TRMT2B: variants seen among roughly 807,000 people sequenced by gnomAD.
TRMT2B encodes tRNA methyltransferase 2B.
Under a neutral mutation model 39.7 loss-of-function variants are expected in TRMT2B, and 34 were observed. That is an observed-to-expected ratio of 0.86 (90% CI 0.65 to 1.14). The LOEUF (loss-of-function observed/expected upper bound fraction) is 1.14. Ranked by LOEUF, TRMT2B falls within the 50% of genes most tolerant of loss-of-function variation. The probability of loss-of-function intolerance (pLI) is 0.00; values close to 1 mark genes in which losing one functional copy is unlikely to be tolerated. For missense variants in TRMT2B, 318 were observed against 377.2 expected, an observed-to-expected ratio of 0.84 and a Z score of 1.30; for synonymous variants, 132 against 137.3, an observed-to-expected ratio of 0.96 and a Z score of 0.27.
chrX:101,049,422 G>A (rs1382695276), intron 2 of TRMT2B, among the ~76,000 whole-genome samples: 1 of 97,291 alleles, frequency 1.0e-5, no homozygotes, highest in Non-Finnish European at 2.0e-5. Context: ...AAGTCCAGCA[G>A]TTGAAGGCTG....
chrX:101,011,569 G>A lies in TRMT2B; in HGVS notation c.1389-862C>T, dbSNP rs140247384. Among the ~76,000 whole-genome samples the A allele has an allele frequency of 2.7e-4, 30 of 111,156 alleles. No homozygotes were observed. In the East Asian group the frequency reaches 8.5e-3, roughly 31 times the overall value. ...TCAATACCAACCTGGGCAGCATAGC[G>A]AGACTCTGTCGTTACCAAAAAATAA... On this transcript the variant is annotated intron_variant, in intron 13 of 13. Transcript: ENST00000372936.
chrX:101,001,225 C>T, the TRMT2B span, among the ~76,000 whole-genome samples: 2 of 110,605 alleles, frequency 1.8e-5, no homozygotes, highest in South Asian at 7.8e-4. Context: ...GTCTGGGGCC[C>T]AGGCATCAAT....
At chrX:100,989,255 T>C in the TRMT2B span, among the ~76,000 whole-genome samples, 3 of 111,363 alleles carry the variant, frequency 2.7e-5, no homozygotes, top group African/African-American at 9.8e-5. Context: ...TGAAAGATAC[T>C]AGGTGGTTGT....
the TRMT2B span, chrX:100,974,221 A>G: frequency 9.0e-7 from 1 of 1,112,511 alleles, no homozygotes; most frequent in Non-Finnish European, 1.2e-6. Flanking sequence ...AGCATTAGAT[A>G]CTGGCGTGGG....
chrX:100,979,781 G>A, the TRMT2B span, among the ~76,000 whole-genome samples: 1 of 111,718 alleles, frequency 9.0e-6, no homozygotes, highest in African/African-American at 3.3e-5. Context: ...CAAATATTTG[G>A]TCACTGCAGC....
chrX:101,018,504 G>A (rs1018501341), intron 13 of TRMT2B, among the ~76,000 whole-genome samples: 6 of 106,127 alleles, frequency 5.7e-5, no homozygotes, highest in Non-Finnish European at 9.7e-5. Context: ...GTGCAATGGC[G>A]CGATCTTGGC....
intron 13 of TRMT2B, 50 bp from the exon 14 acceptor site, chrX:101,010,757 C>T (rs2086212184): frequency 3.4e-6 from 4 of 1,166,505 alleles, no homozygotes; most frequent in Non-Finnish European, 4.6e-6. Context: ...AGGAAGAACC[C>T]ACAGGAATAC....
intron 2 of TRMT2B, chrX:101,043,534 C>T (rs1187310480): frequency 8.9e-6 from 1 of 112,855 alleles, no homozygotes; most frequent in Non-Finnish European, 1.9e-5. Context: ...CGTGCCACTG[C>T]ACTCCAGCCT....
intron 7 of TRMT2B, among the ~76,000 whole-genome samples, chrX:101,027,573 T>A (rs899898866): frequency 3.6e-5 from 4 of 109,851 alleles, no homozygotes; most frequent in African/African-American, 1.3e-4. Flanking sequence ...TCCTTCAGTC[T>A]CCTTTACTGG....
At chrX:101,007,912 T>C (rs1200033244), downstream of TRMT2B, among the ~76,000 whole-genome samples, 1 of 110,700 alleles carries the variant, frequency 9.0e-6, no homozygotes, top group Non-Finnish European at 1.9e-5. Flanking sequence ...AAGATGACTA[T>C]TGCAGCAATA....
At chrX:100,981,842 G>A in the TRMT2B span, among the ~76,000 whole-genome samples, 1 of 105,916 alleles carries the variant, frequency 9.4e-6, no homozygotes, top group Non-Finnish European at 1.9e-5. Flanking sequence ...TTATAACCAG[G>A]TACTGTGATC....
the TRMT2B span, among the ~76,000 whole-genome samples, chrX:100,977,907 T>C: frequency 2.7e-5 from 3 of 112,365 alleles, no homozygotes; most frequent in Non-Finnish European, 3.8e-5. Context: ...CATTCATCTG[T>C]TGATGGACTC....
Position 101,041,310 on chromosome X carries a change from C to A in TRMT2B, c.303+7G>T, listed in dbSNP as rs765432949. 6.2e-5 allele frequency: 75 copies of A among 1,208,669 alleles called. No homozygotes were observed. The highest frequency in any genetic ancestry group is 8.2e-5 in the Non-Finnish European group (73 of 893,265). On this transcript the variant is annotated splice_region_variant and intron_variant, in intron 4 of 13. Coordinates refer to ENST00000372936, the MANE Select transcript of TRMT2B (RefSeq NM_024917.6). ...AGGAGGGGTAAAGACTTAGGCTGGG[C>A]ACCTACCTTGAGCTGTTCTTCATAG...
intron 7 of TRMT2B, among the ~76,000 whole-genome samples, chrX:101,030,313 C>T (rs1483235302): frequency 9.0e-6 from 1 of 110,815 alleles, no homozygotes; most frequent in Non-Finnish European, 1.9e-5. Context: ...CTACCAAAAA[C>T]TTCCATCTTC....
the TRMT2B span, among the ~76,000 whole-genome samples, chrX:100,993,371 G>A: frequency 8.9e-6 from 1 of 112,108 alleles, no homozygotes; most frequent in East Asian, 2.8e-4. Context: ...GAATTCTGCT[G>A]ACAATCATTC....
intron 4 of TRMT2B, 119 bp from the exon 5 acceptor site, chrX:101,038,170 C>A (rs1477290832): frequency 3.6e-6 from 2 of 555,261 alleles, no homozygotes; most frequent in Non-Finnish European, 5.8e-6. Flanking sequence ...GAGTTCGAGA[C>A]CAGCCTGACC....
chrX:101,044,086 A>G (rs965086656), intron 2 of TRMT2B, among the ~76,000 whole-genome samples: 1 of 109,590 alleles, frequency 9.1e-6, no homozygotes, highest in African/African-American at 3.3e-5. Flanking sequence ...TACTAAAAAT[A>G]CAATAATTAG....
chrX:100,983,890 A>ATGAC, the TRMT2B span, among the ~76,000 whole-genome samples: 1 of 111,372 alleles, frequency 9.0e-6, no homozygotes, highest in Middle Eastern at 4.2e-3. Context: ...TTTCACGTTA[A>ATGAC]TGACTCATTT....
downstream of TRMT2B, among the ~76,000 whole-genome samples, chrX:101,007,982 G>A (rs2086130208): frequency 9.0e-6 from 1 of 111,453 alleles, no homozygotes; most frequent in Non-Finnish European, 1.9e-5. Flanking sequence ...ATTGGATGAG[G>A]CCAATAGTAC....
Sources: gnomAD v4.1 joint callset for allele counts (sites outside exome capture counted in the v4.1 genomes callset) on GRCh38, gnomAD v4.1.1 for gene constraint, MANE v1.5 for transcripts, NCBI Gene and HGNC (gene_info 2026-07-23, HGNC 2026-07-21) for gene names.